KASH5: variants seen among roughly 807,000 people sequenced by gnomAD.
KASH5 encodes the protein KASH domain containing 5.
KASH5 carries 72 observed loss-of-function variants against 84.2 expected under a neutral mutation model. The observed-to-expected ratio is 0.85, with a 90% confidence interval of 0.71 to 1.04. KASH5 has a LOEUF of 1.04. Among genes scored for constraint, KASH5 ranks in the 50% least tolerant of loss-of-function variants. KASH5 has a pLI of 0.00. For missense variants in KASH5, 650 were observed against 701.0 expected (o/e 0.93, Z 0.82); for synonymous variants, 260 against 279.1 (o/e 0.93, Z 0.68).
Position 49,416,883 on chromosome 19 carries a change from G to A in KASH5, c.1375-132G>A. The A allele has an allele frequency of 2.3e-6, 2 of 863,488 alleles. No individual in the cohort carries two copies. Among genetic ancestry groups the A allele is most frequent in the Non-Finnish European group, 3.7e-6 (2 of 539,586 alleles). The allele number at this position is 863,488 out of a possible 1,614,324, so 53.5% of individuals were successfully genotyped here. On this transcript the variant is annotated intron_variant, in intron 17 of 19. Coordinates refer to ENST00000447857, the MANE Select transcript of KASH5 (RefSeq NM_144688.5). The surrounding 1 kb of genome is among the most constrained non-coding windows in gnomAD (Gnocchi z 5.4). Reference sequence around the variant, plus strand: ...CTGGCAGAAATGGGAACCCGACCTGGCAGCAGAAGTGCACTCACTTATCTC... The same window carrying A: ...CTGGCAGAAATGGGAACCCGACCTGACAGCAGAAGTGCACTCACTTATCTC...
Position 49,395,888 on chromosome 19 carries a change from G to A in KASH5, c.400+55G>A, listed in dbSNP as rs2146853647. 1.4e-6 allele frequency: 2 copies of A among 1,449,422 alleles called. No homozygotes were observed. The highest frequency in any genetic ancestry group is 2.5e-5 in the East Asian group (1 of 40,346). The allele number at this position is 1,449,422 out of a possible 1,614,324, so 89.8% of individuals were successfully genotyped here. A position where few individuals can be genotyped will look rare whatever the true frequency, so the allele number is the denominator to read the frequency against. Reference sequence around the variant, plus strand: ...GCAGGCCCTGGGTCAGACAGTGTGGGGACTTACCACCCAGGGCAGAGCAAG... The same window carrying A: ...GCAGGCCCTGGGTCAGACAGTGTGGAGACTTACCACCCAGGGCAGAGCAAG... On this transcript the variant is annotated intron_variant, in intron 5 of 19. Coordinates refer to ENST00000447857, the MANE Select transcript of KASH5 (RefSeq NM_144688.5). The surrounding 1 kb of genome is among the most constrained non-coding windows in gnomAD (Gnocchi z 4.4).
In KASH5 at chr19:49,415,021, C is replaced by G. The variant is rs755810306; in HGVS notation, c.1374+25C>G. 6 of 1,603,094 alleles carry G rather than the reference C, an allele frequency of 3.7e-6. No individual in the cohort carries two copies. In the South Asian group the frequency reaches 6.8e-5, roughly 18 times the overall value. On this transcript the variant is annotated intron_variant, in intron 17 of 19. Coordinates refer to ENST00000447857, the MANE Select transcript of KASH5 (RefSeq NM_144688.5). ...GGTAGGCAGTCCCCAGCACCCCTCC[C>G]CAGTCCCCATCCACTCCACACCCAC...
chr19:49,411,160 A>G (rs1301210983), intron 15 of KASH5, among the ~76,000 whole-genome samples: 3 of 150,016 alleles, frequency 2.0e-5, no homozygotes. Flanking sequence ...GTCTGGCTGA[A>G]CTCCTGGGGT....
At chr19:49,407,211 G>A in intron 10 of KASH5, 29 bp from the exon 11 acceptor site, 1 of 1,611,978 alleles carries the variant, frequency 6.2e-7, no homozygotes, top group Non-Finnish European at 8.5e-7. Context: ...TGGGAGGCTG[G>A]ATGGATGGAC....
intron 5 of KASH5, among the ~76,000 whole-genome samples, chr19:49,396,242 A>ATTTTTTTGTT (rs1568611428): frequency 1.6e-5 from 2 of 122,904 alleles, no homozygotes; most frequent in Non-Finnish European, 3.4e-5. Flanking sequence ...ACCCTGCTGG[A>ATTTTTTTGTT]CTTTTTTTTT....
chr19:49,399,167 G>T lies in KASH5; in HGVS notation c.747+25G>T. On this transcript the variant is annotated intron_variant, in intron 8 of 19. Transcript: ENST00000447857. This position sits in a 1 kb window ranked among gnomAD's most constrained non-coding sequence, Gnocchi z 4.4. ...GGTGGGTCTGGCCCAGGGGAAGGAA[G>T]GTGCCCTCTCTCTTCTTTGTTTCCT... The T allele has an allele frequency of 6.6e-7, 1 of 1,524,388 alleles. No individual in the cohort carries two copies. 94.4% of individuals were successfully genotyped at this position (1,524,388 alleles called of 1,614,324 possible). A position where few individuals can be genotyped will look rare whatever the true frequency, so the allele number is the denominator to read the frequency against.
intron 17 of KASH5, among the ~76,000 whole-genome samples, chr19:49,415,987 G>A (rs761888191): frequency 2.6e-5 from 4 of 152,214 alleles, no homozygotes; most frequent in Non-Finnish European, 5.9e-5. Flanking sequence ...TGGGGGATGA[G>A]GCGGTGCAGT....
intron 11 of KASH5, 112 bp downstream of exon 11, chr19:49,407,408 GGA>G: frequency 8.1e-7 from 1 of 1,237,972 alleles, no homozygotes; most frequent in Non-Finnish European, 1.1e-6. Flanking sequence ...ATGTGCAGCT[GGA>G]GAGACTGGAG....
At chr19:49,415,147 T>C (rs1165642935) in intron 17 of KASH5, 151 bp downstream of exon 17, 1 of 785,048 alleles carries the variant, frequency 1.3e-6, no homozygotes, top group African/African-American at 1.7e-5. Flanking sequence ...ACAAGGCCTT[T>C]GCTGTAGCTA....
rs749456649 is a variant in KASH5 at position 49,394,533 on chromosome 19, A to G, written c.101A>G (p.Glu34Gly). 1 of 1,613,630 alleles carries G rather than the reference A, an allele frequency of 6.2e-7. No individual in the cohort carries two copies. The highest frequency in any genetic ancestry group is 8.5e-7 in the Non-Finnish European group (1 of 1,179,834). Residue 34 changes from glutamate (E) to glycine (G), a missense_variant, in exon 3 of 20, where the codon GAG becomes GGG. Glu to Gly is a moderately conservative substitution (Grantham distance 98). Coordinates refer to ENST00000447857, the MANE Select transcript of KASH5 (RefSeq NM_144688.5). ...CTGGGAATGCCGGTCAGCTTGGAGG[A>G]GCAAATACTCAACTCCACGTTCGAA... is the stretch of plus-strand genomic sequence containing the variant. ...ARLGMPVSLE[E>G]QILNSTFEAC...
intron 2 of KASH5, among the ~76,000 whole-genome samples, chr19:49,392,925 A>C (rs2146843667): frequency 1.3e-5 from 2 of 148,764 alleles, no homozygotes; most frequent in South Asian, 2.2e-4. Context: ...AAAAAAAAAA[A>C]CAGTGAGAGG....
At chr19:49,400,327 C>G (rs75311125) in intron 9 of KASH5, among the ~76,000 whole-genome samples, 4,958 of 148,996 alleles carry the variant, frequency 0.033, 270 homozygotes, top group African/African-American at 0.11. Flanking sequence ...TGTGACTTCT[C>G]CTTCTCAAGC....
intron 17 of KASH5, chr19:49,415,244 G>A: frequency 1.7e-6 from 1 of 572,248 alleles, no homozygotes; most frequent in Non-Finnish European, 3.1e-6. Flanking sequence ...CACACACACA[G>A]GGCTGCAGCC....
In KASH5 at chr19:49,399,189, T is replaced by C; in HGVS notation, c.747+47T>C. 1 of 1,480,012 alleles carries C rather than the reference T, an allele frequency of 6.8e-7. No individual in the cohort carries two copies. The highest frequency in any genetic ancestry group is 9.1e-7 in the Non-Finnish European group (1 of 1,095,748). The allele number at this position is 1,480,012 out of a possible 1,614,324, so 91.7% of individuals were successfully genotyped here. ...GAAGGTGCCCTCTCTCTTCTTTGTT[T>C]CCTGGAGTCAGGGCGGCAGAGTGTG... On this transcript the variant is annotated intron_variant, in intron 8 of 19. Coordinates refer to ENST00000447857, the MANE Select transcript of KASH5 (RefSeq NM_144688.5). This position sits in a 1 kb window ranked among gnomAD's most constrained non-coding sequence, Gnocchi z 4.4.
chr19:49,398,161 C>G lies in KASH5; in HGVS notation c.629+18C>G. The G allele has an allele frequency of 6.5e-7, 1 of 1,548,792 alleles. No individual in the cohort carries two copies. Among genetic ancestry groups the G allele is most frequent in the Non-Finnish European group, 8.8e-7 (1 of 1,142,414 alleles). The stretch of plus-strand genomic sequence containing the variant: ...CTTCACAGGTGGGCTGGATGCCACA[C>G]CCACCCTCCCCAGCGCCCCTGCCTC... On this transcript the variant is annotated intron_variant, in intron 7 of 19. Coordinates refer to ENST00000447857, the MANE Select transcript of KASH5 (RefSeq NM_144688.5).
At position 49,412,695 on chromosome 19, in the gene KASH5, C is replaced by T. The variant is rs1974759233; in HGVS notation, c.1270-273C>T. Among the ~76,000 whole-genome samples the T allele has an allele frequency of 6.6e-6, 1 of 152,156 alleles. No homozygotes were observed. Among genetic ancestry groups the T allele is most frequent in the African/African-American group, 2.4e-5 (1 of 41,436 alleles). On this transcript the variant is annotated intron_variant, in intron 15 of 19. Transcript: ENST00000447857. The surrounding 1 kb of genome is among the most constrained non-coding windows in gnomAD (Gnocchi z 4.6). ...CCAGGAAGTTTAGGCAACCGGGACT[C>T]CTGGGTCCTGTCAGGGAAGGGGGCT...
At chr19:49,392,240 A>G (rs999182866) in intron 2 of KASH5, among the ~76,000 whole-genome samples, 1 of 152,178 alleles carries the variant, frequency 6.6e-6, no homozygotes. Context: ...AGTCTCTGAG[A>G]TATGGGAAGG....
rs991358251 is a variant in KASH5, at chr19:49,414,685, C to G, written c.1329-266C>G. Among the ~76,000 whole-genome samples, 4 of 147,986 alleles carry G rather than the reference C, an allele frequency of 2.7e-5. No individual in the cohort carries two copies. The highest frequency in any genetic ancestry group is 2.7e-4 in the Admixed American group (4 of 15,042). ...ACATATGCAGGACACCCCCCAGGCC[C>G]GTCCGTGCTGCCTGGCCTCCCCCAG... On this transcript the variant is annotated intron_variant, in intron 16 of 19. Coordinates refer to ENST00000447857, the MANE Select transcript of KASH5 (RefSeq NM_144688.5). This position sits in a 1 kb window ranked among gnomAD's most constrained non-coding sequence, Gnocchi z 4.5.
intron 9 of KASH5, among the ~76,000 whole-genome samples, chr19:49,401,056 G>A (rs547844549): frequency 2.0e-5 from 3 of 152,256 alleles, no homozygotes; most frequent in South Asian, 2.1e-4. Context: ...TTGTCCAAGC[G>A]TTTGTCACCA....
Sources: gnomAD v4.1 joint callset for allele counts (sites outside exome capture counted in the v4.1 genomes callset) on GRCh38, gnomAD v4.1.1 for gene constraint, Gnocchi (gnomAD v3.1) non-coding constraint, MANE v1.5 for transcripts, NCBI Gene and HGNC (gene_info 2026-07-23, HGNC 2026-07-21) for gene names.